PDE6B: variants seen among roughly 807,000 people sequenced by gnomAD.
PDE6B encodes rod cGMP-specific 3',5'-cyclic phosphodiesterase subunit beta.
PDE6B carries 106 observed loss-of-function variants against 109.0 expected under a neutral mutation model. That is an observed-to-expected ratio of 0.97 (90% CI 0.83 to 1.14). PDE6B has a LOEUF of 1.14. Ranked by LOEUF, PDE6B falls within the 50% of genes most tolerant of loss-of-function variation. PDE6B has a pLI of 0.00. For missense variants in PDE6B, 1,193 were observed against 1,155.6 expected, an observed-to-expected ratio of 1.03 and a Z score of -0.47; for synonymous variants, 490 against 471.3, an observed-to-expected ratio of 1.04 and a Z score of -0.51.
chr4:656,494 C>T (rs1450077938), intron 8 of PDE6B, among the ~76,000 whole-genome samples: 3 of 151,162 alleles, frequency 2.0e-5, no homozygotes, highest in Non-Finnish European at 2.9e-5. Flanking sequence ...CACACACGCC[C>T]GCAAGGCCGT....
At chr4:660,390 C>T in intron 11 of PDE6B, 77 bp from the exon 12 acceptor site, 1 of 1,440,724 alleles carries the variant, frequency 6.9e-7, no homozygotes, top group Non-Finnish European at 9.8e-7. Flanking sequence ...GGCAGGGGAT[C>T]TGGAGAGAAG....
intron 6 of PDE6B, 91 bp downstream of exon 6, chr4:654,979 C>G: frequency 1.2e-6 from 1 of 839,574 alleles, no homozygotes; most frequent in East Asian, 2.4e-5. Context: ...CCCAGGGCTT[C>G]CCACGGTGCA....
At position 663,090 on chromosome 4, in the gene PDE6B, T is replaced by G; in HGVS notation, c.1833-10T>G. 2 of 1,563,028 alleles carry G rather than the reference T, an allele frequency of 1.3e-6. No homozygotes were observed. Among genetic ancestry groups the G allele is most frequent in the Non-Finnish European group, 1.8e-6 (2 of 1,133,588 alleles). On this transcript the variant is annotated splice_polypyrimidine_tract_variant and intron_variant, in intron 14 of 21. Coordinates refer to ENST00000496514, the MANE Select transcript of PDE6B (RefSeq NM_000283.4). This position sits in a 1 kb window ranked among gnomAD's most constrained non-coding sequence, Gnocchi z 4.0. The stretch of plus-strand genomic sequence containing the variant: ...TCCCACGGGCCTCACCTCCACCACC[T>G]GTGTAACAGGTCCCAGAACCCCTTG...
chr4:662,995 C>A lies in PDE6B; in HGVS notation c.1833-105C>A. ...TCCAGAGTGGGTGACAGAGGCAGACCCTGTCTCAAAAAAAAGAAAGTGGGG... is the reference window on the plus strand; with the variant it reads ...TCCAGAGTGGGTGACAGAGGCAGACACTGTCTCAAAAAAAAGAAAGTGGGG... On this transcript the variant is annotated intron_variant, in intron 14 of 21. Transcript: ENST00000496514. This position sits in a 1 kb window ranked among gnomAD's most constrained non-coding sequence, Gnocchi z 4.3. 3 of 756,018 alleles carry A rather than the reference C, an allele frequency of 4.0e-6. No individual in the cohort carries two copies. Among genetic ancestry groups the A allele is most frequent in the South Asian group, 1.4e-5 (1 of 71,432 alleles). The allele number at this position is 756,018 out of a possible 1,614,324, so 46.8% of individuals were successfully genotyped here. A position where few individuals can be genotyped will look rare whatever the true frequency, so the allele number is the denominator to read the frequency against.
chr4:638,543 G>A (rs181286628), intron 3 of PDE6B, among the ~76,000 whole-genome samples: 283 of 152,182 alleles, frequency 1.9e-3, no homozygotes, highest in African/African-American at 6.5e-3. Flanking sequence ...GGCTGGTCTC[G>A]AACTCCTGAC....
At chr4:627,136 G>A (rs1416876887) in intron 1 of PDE6B, among the ~76,000 whole-genome samples, 2 of 150,894 alleles carry the variant, frequency 1.3e-5, no homozygotes, top group East Asian at 3.9e-4. Context: ...ATCCTGGTTT[G>A]TTTTCGTTTG....
rs570269224 is a variant in PDE6B, at chr4:633,308, C to T, written c.469-1369C>T. Among the ~76,000 whole-genome samples the T allele has an allele frequency of 3.3e-5, 5 of 152,332 alleles. No homozygotes were observed. The highest frequency in any genetic ancestry group is 1.9e-4 in the East Asian group (1 of 5,192). ...CCACCCCTGCCAGGGCTCACTCACCCGTCTTCCTGCTCCACCATCTTTTAA... is the reference window on the plus strand; with the variant it reads ...CCACCCCTGCCAGGGCTCACTCACCTGTCTTCCTGCTCCACCATCTTTTAA... On this transcript the variant is annotated intron_variant, in intron 1 of 21. Coordinates refer to ENST00000496514, the MANE Select transcript of PDE6B (RefSeq NM_000283.4). This position sits in a 1 kb window ranked among gnomAD's most constrained non-coding sequence, Gnocchi z 4.5.
chr4:646,707 G>A (rs1287126286), intron 3 of PDE6B, among the ~76,000 whole-genome samples: 5 of 152,046 alleles, frequency 3.3e-5, no homozygotes, highest in African/African-American at 1.2e-4. Flanking sequence ...CTCCGGCCGG[G>A]CGGCGGCGCA....
At chr4:659,225 G>A (rs1307687510) in intron 11 of PDE6B, among the ~76,000 whole-genome samples, 1 of 152,160 alleles carries the variant, frequency 6.6e-6, no homozygotes, top group Non-Finnish European at 1.5e-5. Flanking sequence ...GTGTGTCCCT[G>A]AGTGTGTTTG....
Position 658,575 on chromosome 4 carries a change from C to T in PDE6B, c.1402-377C>T, listed in dbSNP as rs1046744434. 2.6e-5 allele frequency among the ~76,000 whole-genome samples: 4 copies of T among 152,226 alleles called. No individual in the cohort carries two copies. In the East Asian group the frequency reaches 5.8e-4, roughly 22 times the overall value. On this transcript the variant is annotated intron_variant, in intron 10 of 21. Transcript: ENST00000496514. ...CTCTCTGTGTGGTGGGGACACGGCC[C>T]TGGGGCCAGAGCTGAGTACAGCCCT... is the stretch of plus-strand genomic sequence containing the variant.
Position 662,988 on chromosome 4 carries a change from G to A in PDE6B, c.1833-112G>A. 1.4e-6 allele frequency: 1 copy of A among 738,320 alleles called. No individual in the cohort carries two copies. Among genetic ancestry groups the A allele is most frequent in the Non-Finnish European group, 2.5e-6 (1 of 402,068 alleles). The allele number at this position is 738,320 out of a possible 1,614,324, so 45.7% of individuals were successfully genotyped here. On this transcript the variant is annotated intron_variant, in intron 14 of 21. Coordinates refer to ENST00000496514, the MANE Select transcript of PDE6B (RefSeq NM_000283.4). The surrounding 1 kb of genome is among the most constrained non-coding windows in gnomAD (Gnocchi z 4.3). Reference sequence around the variant, plus strand: ...ACTGCACTCCAGAGTGGGTGACAGAGGCAGACCCTGTCTCAAAAAAAAGAA... The same window carrying A: ...ACTGCACTCCAGAGTGGGTGACAGAAGCAGACCCTGTCTCAAAAAAAAGAA...
rs767781179 is a variant in PDE6B, at chr4:663,111, C to G, written c.1844C>G (p.Pro615Arg). The stretch of plus-strand genomic sequence containing the variant: ...CACCTGTGTAACAGGTCCCAGAACC[C>G]CTTGGCTAAGCTCCACGGCTCCTCG... ...NNLYQMKSQN[P>R]LAKLHGSSIL... is the part of the protein sequence containing the mutation. Residue 615 changes from proline (P) to arginine (R), a missense_variant, in exon 15 of 22, where the codon CCC (proline) becomes CGC (arginine). By Grantham distance (103) the Pro-to-Arg change is moderately radical. Coordinates refer to ENST00000496514, the MANE Select transcript of PDE6B (RefSeq NM_000283.4). This position sits in a 1 kb window ranked among gnomAD's most constrained non-coding sequence, Gnocchi z 4.0. 1 of 1,608,456 alleles carries G rather than the reference C, an allele frequency of 6.2e-7. No individual in the cohort carries two copies. Among genetic ancestry groups the G allele is most frequent in the African/African-American group, 1.3e-5 (1 of 74,924 alleles).
chr4:667,006 G>A (rs985069763), intron 20 of PDE6B, among the ~76,000 whole-genome samples: 4 of 152,234 alleles, frequency 2.6e-5, no homozygotes, highest in African/African-American at 4.8e-5. Context: ...CCCTCGAGGC[G>A]GGGCTGGGTC....
intron 3 of PDE6B, among the ~76,000 whole-genome samples, chr4:643,558 T>C (rs1735044539): frequency 6.6e-6 from 1 of 152,188 alleles, no homozygotes; most frequent in Admixed American, 6.5e-5. Flanking sequence ...TCTTTTTGGA[T>C]GATTATTAAT....
chr4:641,487 CA>C (rs1213644577), intron 3 of PDE6B, among the ~76,000 whole-genome samples: 3 of 152,210 alleles, frequency 2.0e-5, no homozygotes, highest in African/African-American at 4.8e-5. Flanking sequence ...TGGTCATGTC[CA>C]GGGGGCTCAC....
intron 3 of PDE6B, among the ~76,000 whole-genome samples, chr4:637,754 A>G (rs1734761724): frequency 6.6e-6 from 1 of 152,218 alleles, no homozygotes; most frequent in Non-Finnish European, 1.5e-5. Flanking sequence ...GCGTGTGCGC[A>G]GAGCTGCAAA....
chr4:647,349 C>T (rs185581670), intron 3 of PDE6B, among the ~76,000 whole-genome samples: 18 of 152,074 alleles, frequency 1.2e-4, no homozygotes, highest in African/African-American at 3.6e-4. Context: ...TCCATCTGGC[C>T]GGGAGCTGGG....
rs1734469814 is a variant in PDE6B at position 633,079 on chromosome 4, C to A, written c.469-1598C>A. Among the ~76,000 whole-genome samples the A allele has an allele frequency of 6.6e-6, 1 of 152,096 alleles. No individual in the cohort carries two copies. The highest frequency in any genetic ancestry group is 6.5e-5 in the Admixed American group (1 of 15,280). On this transcript the variant is annotated intron_variant, in intron 1 of 21. Transcript: ENST00000496514. This position sits in a 1 kb window ranked among gnomAD's most constrained non-coding sequence, Gnocchi z 4.5. ...GGTGGAGGAGACACTGTCCAAACTGCCACAGGCACAACAGGCACCACGACA... is the reference window on the plus strand; with the variant it reads ...GGTGGAGGAGACACTGTCCAAACTGACACAGGCACAACAGGCACCACGACA...
chr4:646,956 C>G lies in PDE6B; in HGVS notation c.712-6896C>G, dbSNP rs943925732. ...CACTGCAGCCGCCGCTTCCTGGGTT[C>G]CAGTGATTCTCCTGCCTCAGCCTCC... On this transcript the variant is annotated intron_variant, in intron 3 of 21. Transcript: ENST00000496514. Among the ~76,000 whole-genome samples the G allele has an allele frequency of 4.0e-5, 6 of 151,686 alleles. No individual in the cohort carries two copies. The East Asian group carries it at 1.2e-3, about 29-fold the overall frequency.
Sources: allele counts gnomAD v4.1 joint callset (sites outside exome capture counted in the v4.1 genomes callset), GRCh38; gene constraint gnomAD v4.1.1; non-coding constraint Gnocchi (gnomAD v3.1); transcripts MANE v1.5; gene names NCBI Gene and HGNC (gene_info 2026-07-23, HGNC 2026-07-21).